Variants in PALD1 observed in about 807,000 individuals in gnomAD.
PALD1 encodes the protein paladin.
In PALD1, 57 loss-of-function variants were observed where a neutral mutation model predicts 96.0. The observed-to-expected ratio is 0.59, with a 90% CI of 0.48 to 0.74. PALD1 has a LOEUF of 0.74. Among genes scored for constraint, PALD1 ranks in the 30% least tolerant of loss-of-function variants. The pLI, the probability that PALD1 is intolerant of heterozygous loss-of-function variation, is 0.00. For missense variants in PALD1, 1,063 were observed against 1,143.7 expected, an observed-to-expected ratio of 0.93 and a Z score of 1.02; for synonymous variants, 464 against 473.6, an observed-to-expected ratio of 0.98 and a Z score of 0.26.
Position 70,521,877 on chromosome 10 carries a change from T to C in PALD1, c.-29-4046T>C, listed in dbSNP as rs577348763. On this transcript the variant is annotated intron_variant, in intron 1 of 19. Coordinates refer to ENST00000263563, the MANE Select transcript of PALD1 (RefSeq NM_014431.3). ...CCAAGGACCCCCAAGCAGAAGCCCATGGACTCCTTCTCAGAATGCTTTTAA... is the reference window on the plus strand; with the variant it reads ...CCAAGGACCCCCAAGCAGAAGCCCACGGACTCCTTCTCAGAATGCTTTTAA... Among the ~76,000 whole-genome samples the C allele has an allele frequency of 4.6e-5, 7 of 151,938 alleles. No homozygotes were observed. In the East Asian group the frequency reaches 1.4e-3, roughly 29 times the overall value.
rs749892676 is a variant in PALD1 at position 70,547,336 on chromosome 10, G to A, written c.2152G>A (p.Asp718Asn). 9 of 1,613,374 alleles carry A rather than the reference G, an allele frequency of 5.6e-6. No individual in the cohort carries two copies. Among genetic ancestry groups the A allele is most frequent in the African/African-American group, 1.3e-5 (1 of 74,882 alleles). ...AATGAAGGTGGTGCAGCTGCTACCCGATGGGCACCGTGTGAAGAAGGAGGT... is the reference window on the plus strand; with the variant it reads ...AATGAAGGTGGTGCAGCTGCTACCCAATGGGCACCGTGTGAAGAAGGAGGT... The part of the protein sequence containing the change: ...VVMKVVQLLP[D>N]GHRVKKEVDA... Residue 718 changes from aspartate to asparagine, a missense_variant, in exon 18 of 20, where the codon GAT becomes AAT. Coordinates refer to ENST00000263563, the MANE Select transcript of PALD1 (RefSeq NM_014431.3).
chr10:70,517,287 A>G (rs1390912800), intron 1 of PALD1, among the ~76,000 whole-genome samples: 2 of 151,980 alleles, frequency 1.3e-5, no homozygotes, highest in Non-Finnish European at 2.9e-5. Context: ...TCTTGTTTTT[A>G]ACAGATTTAC....
At chr10:70,515,436 C>G (rs1334644192) in intron 1 of PALD1, among the ~76,000 whole-genome samples, 1 of 152,134 alleles carries the variant, frequency 6.6e-6, no homozygotes, top group Non-Finnish European at 1.5e-5. Flanking sequence ...GTGGCCCAGC[C>G]CAGCCTGGCT....
At chr10:70,490,045 C>T (rs1157803048) in intron 1 of PALD1, among the ~76,000 whole-genome samples, 1 of 152,116 alleles carries the variant, frequency 6.6e-6, no homozygotes, top group Non-Finnish European at 1.5e-5. Flanking sequence ...GCCTAAGCTT[C>T]CCGAGTAGCT....
At chr10:70,488,672 G>C (rs1846049935) in intron 1 of PALD1, among the ~76,000 whole-genome samples, 2 of 152,252 alleles carry the variant, frequency 1.3e-5, no homozygotes, top group South Asian at 2.1e-4. Flanking sequence ...CATGCAGAGG[G>C]ACCCCACCAC....
intron 18 of PALD1, 49 bp downstream of exon 18, chr10:70,547,495 G>T: frequency 8.1e-7 from 1 of 1,228,972 alleles, no homozygotes; most frequent in South Asian, 1.4e-5. Context: ...CACCCTTCCA[G>T]GTGTGCACAG....
At chr10:70,527,112 T>C (rs1262078900) in intron 2 of PALD1, among the ~76,000 whole-genome samples, 1 of 152,128 alleles carries the variant, frequency 6.6e-6, no homozygotes. Flanking sequence ...CAAAGGTGGG[T>C]TTGGGGCCTG....
intron 1 of PALD1, among the ~76,000 whole-genome samples, chr10:70,524,342 G>T (rs1484165212): frequency 6.6e-6 from 1 of 152,062 alleles, no homozygotes; most frequent in Non-Finnish European, 1.5e-5. Context: ...CCTGTCTGTC[G>T]CCCTCTGTCC....
At chr10:70,519,934 A>G (rs930058202) in intron 1 of PALD1, among the ~76,000 whole-genome samples, 1 of 152,150 alleles carries the variant, frequency 6.6e-6, no homozygotes, top group Admixed American at 6.6e-5. Context: ...CACAACAGCT[A>G]GATGAACTTC....
In PALD1 at chr10:70,567,852, G is replaced by A. The variant is rs1847883796; in HGVS notation, c.*1119G>A. 6.6e-6 allele frequency: 1 copy of A among 152,446 alleles called. No individual in the cohort carries two copies. The highest frequency in any genetic ancestry group is 2.4e-5 in the African/African-American group (1 of 41,590). The allele number at this position is 152,446 out of a possible 1,614,324, so 9.4% of individuals were successfully genotyped here. A position where few individuals can be genotyped will look rare whatever the true frequency, so the allele number is the denominator to read the frequency against. ...GGAACAGGTGGCAGAGAAGTGCCAT[G>A]TTTGCGTTGAGCCTTGCAGCTCTTC... is the stretch of plus-strand genomic sequence containing the variant. On this transcript the variant is annotated 3_prime_UTR_variant, in exon 20 of 20. Coordinates refer to ENST00000263563, the MANE Select transcript of PALD1 (RefSeq NM_014431.3).
chr10:70,472,770 C>T, the PALD1 span, among the ~76,000 whole-genome samples: 1 of 152,090 alleles, frequency 6.6e-6, no homozygotes. Context: ...GGGGGATTCT[C>T]TGCATGCCCC....
upstream of PALD1, among the ~76,000 whole-genome samples, chr10:70,477,916 C>CG (rs534548484): frequency 2.8e-3 from 124 of 44,576 alleles, no homozygotes; most frequent in Admixed American, 7.9e-3. Context: ...CGCGAGGAAG[C>CG]ACAGCGAAGA....
At chr10:70,491,720 A>C (rs1459326177) in intron 1 of PALD1, among the ~76,000 whole-genome samples, 2 of 152,144 alleles carry the variant, frequency 1.3e-5, no homozygotes, top group Non-Finnish European at 2.9e-5. Context: ...CCAAAAGGAA[A>C]ACTCCATCCA....
the PALD1 span, among the ~76,000 whole-genome samples, chr10:70,469,396 AC>A: frequency 2.0e-5 from 3 of 151,760 alleles, no homozygotes; most frequent in Non-Finnish European, 4.4e-5. Context: ...TTTACTCCTA[AC>A]TGCTGGACCG....
chr10:70,566,497 C>T, intron 19 of PALD1, 84 bp from the exon 20 acceptor site: 1 of 1,048,878 alleles, frequency 9.5e-7, no homozygotes, highest in Non-Finnish European at 1.4e-6. Flanking sequence ...GTTCACAGGC[C>T]ACAGACTCAT....
At chr10:70,524,733 A>G (rs1307227588) in intron 1 of PALD1, among the ~76,000 whole-genome samples, 1 of 152,184 alleles carries the variant, frequency 6.6e-6, no homozygotes, top group African/African-American at 2.4e-5. Flanking sequence ...GATATTTTTA[A>G]TGGCTGTTTA....
intron 17 of PALD1, among the ~76,000 whole-genome samples, chr10:70,545,734 G>C (rs1589212943): frequency 6.6e-6 from 1 of 151,704 alleles, no homozygotes; most frequent in South Asian, 2.1e-4. Flanking sequence ...CACTGCACCT[G>C]GCTGGGGTGG....
At chr10:70,553,095 C>CTCCTATTA (rs1847514633) in intron 18 of PALD1, among the ~76,000 whole-genome samples, 1 of 152,166 alleles carries the variant, frequency 6.6e-6, no homozygotes, top group Admixed American at 6.5e-5. Context: ...CTGGAAGATC[C>CTCCTATTA]TGTCGTCTCT....
At chr10:70,465,431 G>A in the PALD1 span, among the ~76,000 whole-genome samples, 1 of 152,186 alleles carries the variant, frequency 6.6e-6, no homozygotes, top group African/African-American at 2.4e-5. Flanking sequence ...TGACTCTGTA[G>A]AAGGCAGAGG....
Sources: gnomAD v4.1 joint callset for allele counts (sites outside exome capture counted in the v4.1 genomes callset) on GRCh38, gnomAD v4.1.1 for gene constraint, MANE v1.5 for transcripts, NCBI Gene and HGNC (gene_info 2026-07-23, HGNC 2026-07-21) for gene names.